SND1: variants seen among roughly 807,000 people sequenced by gnomAD.
SND1 encodes staphylococcal nuclease domain-containing protein 1.
Under a neutral mutation model 121.7 loss-of-function variants are expected in SND1, and 38 were observed. The ratio of observed to expected loss-of-function variants is 0.31; its 90% CI spans 0.24 to 0.41. SND1 has a LOEUF of 0.41. Ranked by LOEUF, SND1 falls within the 10% of genes least tolerant of loss-of-function variation. SND1 has a pLI of 1.00. For synonymous variants in SND1, 401 were observed against 447.4 expected (o/e 0.90, Z 1.31); for missense variants, 868 against 1,184.6 (o/e 0.73, Z 3.92).
intron 16 of SND1, among the ~76,000 whole-genome samples, chr7:128,021,879 A>T (rs1303203373): frequency 6.6e-6 from 1 of 152,174 alleles, no homozygotes; most frequent in Non-Finnish European, 1.5e-5. Context: ...TAATTAATTG[A>T]AGGGTATTTT....
chr7:127,774,555 C>T (rs1001817961), intron 10 of SND1, among the ~76,000 whole-genome samples: 3 of 151,982 alleles, frequency 2.0e-5, no homozygotes, highest in Non-Finnish European at 4.4e-5. Flanking sequence ...GGTAAGTGCA[C>T]CATACAAGCA....
At chr7:128,065,177 G>T (rs1356764520) in intron 16 of SND1, among the ~76,000 whole-genome samples, 2 of 152,230 alleles carry the variant, frequency 1.3e-5, no homozygotes, top group African/African-American at 4.8e-5. Flanking sequence ...GATGGAAATG[G>T]GTACCTGAGG....
intron 10 of SND1, among the ~76,000 whole-genome samples, chr7:127,729,540 C>A (rs1015240439): frequency 6.8e-6 from 1 of 146,556 alleles, no homozygotes; most frequent in Non-Finnish European, 1.5e-5. Context: ...CTGTAGGTTT[C>A]ATTCCTTGGT....
At chr7:127,922,201 T>G (rs2116803827) in intron 14 of SND1, among the ~76,000 whole-genome samples, 1 of 142,724 alleles carries the variant, frequency 7.0e-6, no homozygotes, top group African/African-American at 2.7e-5. Context: ...TTTTTTTTTT[T>G]TTGTTTTGTG....
chr7:127,950,877 A>G (rs989576533), intron 15 of SND1, among the ~76,000 whole-genome samples: 5 of 152,214 alleles, frequency 3.3e-5, no homozygotes, highest in African/African-American at 1.2e-4. Context: ...GAACCAATTT[A>G]TTATTTTTTT....
chr7:127,896,844 G>C (rs900392465), intron 13 of SND1, among the ~76,000 whole-genome samples: 2 of 152,092 alleles, frequency 1.3e-5, no homozygotes, highest in African/African-American at 4.8e-5. Context: ...ATCATCTCGA[G>C]TGTTACAGTG....
chr7:128,085,627 G>A lies in SND1; in HGVS notation c.2235-84G>A. On this transcript the variant is annotated intron_variant, in intron 19 of 23. Coordinates refer to ENST00000354725, the MANE Select transcript of SND1 (RefSeq NM_014390.4). This position sits in a 1 kb window ranked among gnomAD's most constrained non-coding sequence, Gnocchi z 4.4. The stretch of plus-strand genomic sequence containing the variant: ...TTGAACCCAGGCAGGGAAATGCTGT[G>A]CCCCTGCCCCGCCATTGCTGAGGCT... 8.4e-7 allele frequency: 1 copy of A among 1,194,652 alleles called. No individual in the cohort carries two copies. The highest frequency in any genetic ancestry group is 1.2e-6 in the Non-Finnish European group (1 of 805,984). 74.0% of individuals were successfully genotyped at this position (1,194,652 alleles called of 1,614,324 possible). A position where few individuals can be genotyped will look rare whatever the true frequency, so the allele number is the denominator to read the frequency against.
chr7:128,018,449 C>T (rs1348701065), intron 16 of SND1, among the ~76,000 whole-genome samples: 1 of 152,246 alleles, frequency 6.6e-6, no homozygotes, highest in African/African-American at 2.4e-5. Flanking sequence ...CCAGGAAGGG[C>T]AGTTCACAAC....
chr7:128,030,463 C>T, intron 16 of SND1: 2 of 1,613,646 alleles, frequency 1.2e-6, no homozygotes, highest in Non-Finnish European at 1.7e-6. Context: ...CGCGTGCACA[C>T]CACCTTGCTG....
intron 14 of SND1, among the ~76,000 whole-genome samples, chr7:127,908,354 GT>G (rs1800388356): frequency 2.0e-5 from 3 of 151,250 alleles, no homozygotes; most frequent in Non-Finnish European, 4.4e-5. Flanking sequence ...GTGTGTGTGT[GT>G]GTGTGCGTGC....
chr7:127,662,037 A>C (rs1391229216), intron 1 of SND1, among the ~76,000 whole-genome samples: 3 of 152,034 alleles, frequency 2.0e-5, no homozygotes, highest in Non-Finnish European at 4.4e-5. Flanking sequence ...AATCTCTTGA[A>C]CCTGGGAGGT....
intron 10 of SND1, among the ~76,000 whole-genome samples, chr7:127,723,858 C>G (rs1475906425): frequency 6.6e-6 from 1 of 152,138 alleles, no homozygotes. Flanking sequence ...GACTTATATC[C>G]AAATTATTAT....
intron 1 of SND1, among the ~76,000 whole-genome samples, chr7:127,680,350 A>G (rs1795696884): frequency 6.6e-6 from 1 of 152,146 alleles, no homozygotes; most frequent in Non-Finnish European, 1.5e-5. Context: ...AACTGGTCTG[A>G]CCAAAATTTA....
intron 15 of SND1, among the ~76,000 whole-genome samples, chr7:127,933,563 A>G (rs929744560): frequency 6.6e-6 from 1 of 152,340 alleles, no homozygotes; most frequent in East Asian, 1.9e-4. Context: ...ACCCTCTTCA[A>G]GCCTCAGTTT....
At chr7:127,991,512 G>C (rs1301825914) in intron 16 of SND1, among the ~76,000 whole-genome samples, 1 of 152,164 alleles carries the variant, frequency 6.6e-6, no homozygotes, top group East Asian at 1.9e-4. Flanking sequence ...TGTTGGGCTG[G>C]CTCTTGCATG....
chr7:128,084,053 C>A (rs145182398), intron 18 of SND1, among the ~76,000 whole-genome samples: 1 of 152,186 alleles, frequency 6.6e-6, no homozygotes, highest in African/African-American at 2.4e-5. Flanking sequence ...GACAGTACAG[C>A]CCCAGCCCAG....
At chr7:127,744,562 C>T (rs1184021645) in intron 10 of SND1, among the ~76,000 whole-genome samples, 1 of 152,182 alleles carries the variant, frequency 6.6e-6, no homozygotes, top group African/African-American at 2.4e-5. Flanking sequence ...TTGAACTGGG[C>T]TGTCATTACA....
chr7:127,703,312 A>G lies in SND1; in HGVS notation c.829A>G (p.Ile277Val). The change falls in exon 7 of 24, where the codon ATC becomes GTC. Residue 277 changes from isoleucine (I) to valine (V), a missense_variant. Coordinates refer to ENST00000354725, the MANE Select transcript of SND1 (RefSeq NM_014390.4). ...CCACAACCAGAACATTCTGGGTACC[A>G]TCCTTCATCCAGTGAGTGTGTCTGT... ...SCHNQNILGTILHPNGNITEL... is the reference protein window; with the variant it reads ...SCHNQNILGTVLHPNGNITEL... 25 of 1,614,100 alleles carry G rather than the reference A, an allele frequency of 1.5e-5. No individual in the cohort carries two copies. The highest frequency in any genetic ancestry group is 2.1e-5 in the Non-Finnish European group (25 of 1,179,964).
chr7:127,954,320 C>T (rs1411327613), intron 15 of SND1, among the ~76,000 whole-genome samples: 1 of 152,158 alleles, frequency 6.6e-6, no homozygotes, highest in Non-Finnish European at 1.5e-5. Flanking sequence ...TCTTTACTCC[C>T]CCCAAAATGC....
Sources: gnomAD v4.1 joint callset for allele counts (sites outside exome capture counted in the v4.1 genomes callset) on GRCh38, gnomAD v4.1.1 for gene constraint, Gnocchi (gnomAD v3.1) non-coding constraint, MANE v1.5 for transcripts, NCBI Gene and HGNC (gene_info 2026-07-23, HGNC 2026-07-21) for gene names.